DPYSL2: variants seen among roughly 807,000 people sequenced by gnomAD.
DPYSL2 encodes dihydropyrimidinase like 2, also known as dihydropyrimidinase-related protein 2.
A neutral mutation model predicts 69.9 loss-of-function variants in DPYSL2; 13 were observed. That is an observed-to-expected ratio of 0.19 (90% CI 0.12 to 0.30). The LOEUF is 0.30. DPYSL2 is among the 10% of genes least tolerant of loss of function. DPYSL2 has a pLI of 1.00. For missense variants in DPYSL2, 587 were observed against 918.9 expected (o/e 0.64, Z 4.67); for synonymous variants, 326 against 359.1 (o/e 0.91, Z 1.04).
intron 7 of DPYSL2, among the ~76,000 whole-genome samples, chr8:26,631,173 T>G (rs1018770297): frequency 2.0e-5 from 3 of 152,234 alleles, no homozygotes; most frequent in African/African-American, 7.2e-5. Context: ...TTATTCTGGT[T>G]GCTTGTATTC....
At chr8:26,625,182 G>C (rs577873989) in intron 4 of DPYSL2, among the ~76,000 whole-genome samples, 1 of 152,300 alleles carries the variant, frequency 6.6e-6, no homozygotes, top group Non-Finnish European at 1.5e-5. Flanking sequence ...CTAACTGTGT[G>C]ACCCTGGGTA....
intron 1 of DPYSL2, among the ~76,000 whole-genome samples, chr8:26,546,172 A>G (rs570875978): frequency 7.2e-5 from 11 of 152,322 alleles, no homozygotes; most frequent in African/African-American, 2.6e-4. Context: ...TTGTTCATCA[A>G]AAAAATTGTA....
At position 26,598,716 on chromosome 8, in the gene DPYSL2, C is replaced by G. The variant is rs1015791711; in HGVS notation, c.628+14733C>G. Among the ~76,000 whole-genome samples, 10 of 152,144 alleles carry G rather than the reference C, an allele frequency of 6.6e-5. No homozygotes were observed. The highest frequency in any genetic ancestry group is 2.2e-4 in the African/African-American group (9 of 41,428). On this transcript the variant is annotated intron_variant, in intron 3 of 13. Transcript: ENST00000521913. The surrounding 1 kb of genome is among the most constrained non-coding windows in gnomAD (Gnocchi z 4.2). The stretch of plus-strand genomic sequence containing the variant: ...TTGAAGCTTCAACACCAAAATCTCT[C>G]TGTTCCTTGTGGGTGGATGGGAGCC...
At chr8:26,531,306 C>T (rs537072727) in intron 1 of DPYSL2, among the ~76,000 whole-genome samples, 9 of 152,154 alleles carry the variant, frequency 5.9e-5, no homozygotes, top group Non-Finnish European at 1.0e-4. Flanking sequence ...AAGGGCAGCT[C>T]GGGGGCTCAT....
chr8:26,570,119 C>A (rs977870932), intron 1 of DPYSL2, among the ~76,000 whole-genome samples: 1 of 152,166 alleles, frequency 6.6e-6, no homozygotes, highest in South Asian at 2.1e-4. Flanking sequence ...ATGCAAGCAG[C>A]CTGGCTTGGT....
chr8:26,566,976 C>T (rs1390394400), intron 1 of DPYSL2, among the ~76,000 whole-genome samples: 2 of 151,904 alleles, frequency 1.3e-5, no homozygotes, highest in Non-Finnish European at 2.9e-5. Flanking sequence ...TCCATCCACC[C>T]GTCATCTGTC....
rs549060386 is a variant in DPYSL2, at chr8:26,626,161, G to T, written c.794-456G>T. Among the ~76,000 whole-genome samples, 9 of 152,314 alleles carry T rather than the reference G, an allele frequency of 5.9e-5. No homozygotes were observed. The South Asian group carries it at 6.2e-4, about 11-fold the overall frequency. ...TTTCTCCATGTTGTAGCATGTGTCA[G>T]GGTGTCTTTCCTTTTTAAAGGCTGA... On this transcript the variant is annotated intron_variant, in intron 4 of 13. Transcript: ENST00000521913. This position sits in a 1 kb window ranked among gnomAD's most constrained non-coding sequence, Gnocchi z 4.3.
At chr8:26,583,304 T>C (rs558285526) in intron 2 of DPYSL2, among the ~76,000 whole-genome samples, 2 of 151,986 alleles carry the variant, frequency 1.3e-5, no homozygotes, top group African/African-American at 2.4e-5. Flanking sequence ...TCCAAAATTT[T>C]AAATCATTGC....
At chr8:26,541,509 C>G (rs939374014) in intron 1 of DPYSL2, among the ~76,000 whole-genome samples, 6 of 152,068 alleles carry the variant, frequency 3.9e-5, no homozygotes, top group African/African-American at 1.4e-4. Flanking sequence ...CATATGAAAG[C>G]ATAAATCACA....
At chr8:26,594,653 C>T (rs1801817515) in intron 3 of DPYSL2, among the ~76,000 whole-genome samples, 1 of 152,174 alleles carries the variant, frequency 6.6e-6, no homozygotes, top group Non-Finnish European at 1.5e-5. Context: ...AATCTATCAT[C>T]TTTCTAATCT....
intron 8 of DPYSL2, among the ~76,000 whole-genome samples, chr8:26,638,375 A>G (rs1802964210): frequency 6.6e-6 from 1 of 152,258 alleles, no homozygotes; most frequent in South Asian, 2.1e-4. Context: ...TGGGAGGAGT[A>G]GTAATGTCTC....
chr8:26,639,573 C>G (rs117502522), intron 8 of DPYSL2, among the ~76,000 whole-genome samples: 2,457 of 152,314 alleles, frequency 0.016, 27 homozygotes, highest in Non-Finnish European at 0.024. Context: ...ACTTTTGATT[C>G]ATTCATGTGG....
rs180757842 is a variant in DPYSL2, at chr8:26,653,991, T to C, written c.1942+594T>C. Among the ~76,000 whole-genome samples the C allele has an allele frequency of 1.3e-5, 2 of 152,334 alleles. No homozygotes were observed. Among genetic ancestry groups the C allele is most frequent in the African/African-American group, 4.8e-5 (2 of 41,572 alleles). On this transcript the variant is annotated intron_variant, in intron 13 of 13. Coordinates refer to ENST00000521913, the MANE Select transcript of DPYSL2 (RefSeq NM_001197293.3). This position sits in a 1 kb window ranked among gnomAD's most constrained non-coding sequence, Gnocchi z 5.7. ...GAAGACATTTGTTCAATTTATTAGG[T>C]CCATCATAAGAAAGGACACTGTGGT...
Position 26,564,874 on chromosome 8 carries a change from A to G in DPYSL2, c.355-17095A>G, listed in dbSNP as rs533473515. 7.9e-4 allele frequency among the ~76,000 whole-genome samples: 121 copies of G among 152,264 alleles called. 2 individuals are homozygous for G. In the South Asian group the frequency reaches 0.019, roughly 24 times the overall value. On this transcript the variant is annotated intron_variant, in intron 1 of 13. Coordinates refer to ENST00000521913, the MANE Select transcript of DPYSL2 (RefSeq NM_001197293.3). The surrounding 1 kb of genome is among the most constrained non-coding windows in gnomAD (Gnocchi z 4.8). ...ATTTTAGTGCACCCATCACCCAAGG[A>G]GTGTACATTGTACCTAATGTGTAGT...
Position 26,584,000 on chromosome 8 carries a change from T to A in DPYSL2, c.628+17T>A. On this transcript the variant is annotated intron_variant, in intron 3 of 13. Transcript: ENST00000521913. ...CTATGATCAGTAAGAAGCTTAAAAA[T>A]CATCATTGTAGTGCTTAGGAAGTGT... 1 of 1,611,212 alleles carries A rather than the reference T, an allele frequency of 6.2e-7. No homozygotes were observed. The highest frequency in any genetic ancestry group is 8.5e-7 in the Non-Finnish European group (1 of 1,178,776).
intron 7 of DPYSL2, among the ~76,000 whole-genome samples, chr8:26,629,062 G>C (rs1467120317): frequency 1.3e-5 from 2 of 152,332 alleles, no homozygotes; most frequent in East Asian, 3.9e-4. Flanking sequence ...TGGAAGAGGA[G>C]AAAGGAGTCA....
rs893894309 is a variant in DPYSL2 at position 26,587,287 on chromosome 8, C to T, written c.628+3304C>T. 6.6e-6 allele frequency among the ~76,000 whole-genome samples: 1 copy of T among 152,188 alleles called. No individual in the cohort carries two copies. The highest frequency in any genetic ancestry group is 2.4e-5 in the African/African-American group (1 of 41,448). On this transcript the variant is annotated intron_variant, in intron 3 of 13. Transcript: ENST00000521913. This position sits in a 1 kb window ranked among gnomAD's most constrained non-coding sequence, Gnocchi z 4.2. ...GGGCACTTTGAAAACTTCACAGGCC[C>T]ACTGCTGCTTGCTGAAATAAAAAAT...
Position 26,643,603 on chromosome 8 carries a change from C to T in DPYSL2, c.1283+8C>T, listed in dbSNP as rs551279053. ...CAACTCCTTGCTGTCCTGGTGAGTC[C>T]TGGCGACTTGTTCACACTTCACATT... On this transcript the variant is annotated splice_region_variant and intron_variant, in intron 9 of 13. Coordinates refer to ENST00000521913, the MANE Select transcript of DPYSL2 (RefSeq NM_001197293.3). The surrounding 1 kb of genome is among the most constrained non-coding windows in gnomAD (Gnocchi z 6.5). 6.2e-7 allele frequency: 1 copy of T among 1,614,224 alleles called. No homozygotes were observed. The highest frequency in any genetic ancestry group is 1.1e-5 in the South Asian group (1 of 91,086).
chr8:26,567,973 GACATATGCAGGC>G (rs1801178613), intron 1 of DPYSL2, among the ~76,000 whole-genome samples: 1 of 152,154 alleles, frequency 6.6e-6, no homozygotes, highest in Non-Finnish European at 1.5e-5. Flanking sequence ...AGCCCCGAGG[GACATATGCAGGC>G]ACTCATTCCT....
Sources: allele counts gnomAD v4.1 joint callset (sites outside exome capture counted in the v4.1 genomes callset), GRCh38; gene constraint gnomAD v4.1.1; non-coding constraint Gnocchi (gnomAD v3.1); transcripts MANE v1.5; gene names NCBI Gene and HGNC (gene_info 2026-07-23, HGNC 2026-07-21).